The following SOX5 variants were observed in gnomAD, a reference collection of about 807,000 sequenced individuals.
SOX5 encodes SRY-box transcription factor 5.
Under a neutral mutation model 92.0 loss-of-function variants are expected in SOX5, and 9 were observed. The observed-to-expected ratio is 0.10, with a 90% CI of 0.06 to 0.17. The LOEUF (loss-of-function observed/expected upper bound fraction) is 0.17, where lower values mean the gene tolerates loss of function less well. Among genes scored for constraint, SOX5 ranks in the 10% least tolerant of loss-of-function variants. SOX5 has a pLI of 1.00. For synonymous variants in SOX5, 344 were observed against 336.3 expected, an observed-to-expected ratio of 1.02 and a Z score of -0.25; for missense variants, 642 against 944.5, an observed-to-expected ratio of 0.68 and a Z score of 4.20.
intron 4 of SOX5, among the ~76,000 whole-genome samples, chr12:24,167,115 T>C (rs968553278): frequency 1.3e-5 from 2 of 152,258 alleles, no homozygotes; most frequent in Non-Finnish European, 2.9e-5. Flanking sequence ...CTTTATTTTA[T>C]TCAGTTCTTG....
At chr12:23,915,202 A>G (rs920647056) in intron 1 of SOX5, among the ~76,000 whole-genome samples, 2 of 152,142 alleles carry the variant, frequency 1.3e-5, no homozygotes, top group African/African-American at 4.8e-5. Context: ...GTAGCACCAA[A>G]TCAAACAGTA....
chr12:24,152,885 G>C (rs1951801022), intron 4 of SOX5, among the ~76,000 whole-genome samples: 1 of 152,034 alleles, frequency 6.6e-6, no homozygotes, highest in Non-Finnish European at 1.5e-5. Flanking sequence ...TCTAATTAGA[G>C]TTAAAATAAT....
chr12:24,299,847 CA>C (rs1379386962), intron 2 of SOX5, among the ~76,000 whole-genome samples: 4 of 152,178 alleles, frequency 2.6e-5, no homozygotes, highest in Non-Finnish European at 5.9e-5. Context: ...TGATGCTTAT[CA>C]TCTGTGTCTA....
chr12:24,413,663 T>A (rs566055169), intron 1 of SOX5, among the ~76,000 whole-genome samples: 1 of 152,212 alleles, frequency 6.6e-6, no homozygotes, highest in Non-Finnish European at 1.5e-5. Flanking sequence ...ACCAGGACAC[T>A]AGGGTTTCAA....
intron 2 of SOX5, among the ~76,000 whole-genome samples, chr12:24,290,195 T>A (rs1321924244): frequency 6.6e-6 from 1 of 152,204 alleles, no homozygotes; most frequent in Admixed American, 6.5e-5. Flanking sequence ...ATACTGTTTT[T>A]AACAGATGGC....
intron 2 of SOX5, among the ~76,000 whole-genome samples, chr12:24,309,905 A>G (rs1445002993): frequency 1.3e-5 from 2 of 152,158 alleles, no homozygotes; most frequent in African/African-American, 2.4e-5. Flanking sequence ...TTGATTCAGA[A>G]TGATAAGATC....
At chr12:23,938,660 T>C (rs1243548977) in intron 1 of SOX5, among the ~76,000 whole-genome samples, 4 of 150,946 alleles carry the variant, frequency 2.6e-5, no homozygotes, top group Non-Finnish European at 4.5e-5. Context: ...ATACTGATAC[T>C]TGCAAAAATA....
chr12:23,639,398 G>A (rs2079733928), intron 8 of SOX5, among the ~76,000 whole-genome samples: 1 of 152,148 alleles, frequency 6.6e-6, no homozygotes, highest in Non-Finnish European at 1.5e-5. Context: ...ATGGTCAAAG[G>A]AGAATGTCTA....
intron 1 of SOX5, among the ~76,000 whole-genome samples, chr12:24,439,940 C>G (rs1940195962): frequency 6.6e-6 from 1 of 152,092 alleles, no homozygotes; most frequent in Non-Finnish European, 1.5e-5. Context: ...ACATATTCCT[C>G]GAAGTCAGGA....
chr12:24,261,348 G>T (rs1296798395), intron 3 of SOX5, among the ~76,000 whole-genome samples: 5 of 152,114 alleles, frequency 3.3e-5, no homozygotes, highest in Admixed American at 1.3e-4. Flanking sequence ...TGTAGCAAAG[G>T]ATCACTCCAC....
intron 3 of SOX5, among the ~76,000 whole-genome samples, chr12:23,813,466 A>G (rs1035412511): frequency 1.3e-5 from 2 of 152,146 alleles, no homozygotes; most frequent in African/African-American, 2.4e-5. Flanking sequence ...CTGCATACCA[A>G]TCACAAGATC....
chr12:23,546,793 G>A (rs186989981), intron 11 of SOX5, among the ~76,000 whole-genome samples: 1 of 152,264 alleles, frequency 6.6e-6, no homozygotes, highest in East Asian at 1.9e-4. Context: ...TAGAAGTATA[G>A]GAGTGGCGTG....
intron 2 of SOX5, among the ~76,000 whole-genome samples, chr12:24,327,385 C>CTTTTTTTT (rs71063311): frequency 2.1e-4 from 12 of 56,692 alleles, no homozygotes; most frequent in East Asian, 6.7e-4. Context: ...GCAATGGAGA[C>CTTTTTTTT]TTTTTTTTTT....
chr12:24,053,177 C>T (rs1259634068), intron 4 of SOX5, among the ~76,000 whole-genome samples: 3 of 137,156 alleles, frequency 2.2e-5, no homozygotes, highest in South Asian at 2.2e-4. Flanking sequence ...TGCTACTGCA[C>T]GCCCCCCCCC....
At chr12:23,760,744 C>A (rs1190134947) in intron 3 of SOX5, among the ~76,000 whole-genome samples, 1 of 152,084 alleles carries the variant, frequency 6.6e-6, no homozygotes, top group African/African-American at 2.4e-5. Flanking sequence ...TCATCTGGAA[C>A]AATGAGACCT....
chr12:24,429,705 T>A (rs953567057), intron 1 of SOX5, among the ~76,000 whole-genome samples: 1 of 152,144 alleles, frequency 6.6e-6, no homozygotes, highest in Non-Finnish European at 1.5e-5. Flanking sequence ...AAAAATGGTA[T>A]GTTTTGTAGA....
chr12:24,348,347 T>C (rs1243237404), intron 2 of SOX5, among the ~76,000 whole-genome samples: 1 of 139,766 alleles, frequency 7.2e-6, no homozygotes, highest in African/African-American at 2.6e-5. Flanking sequence ...GCCTCTATGT[T>C]GCAGCTCTAT....
intron 1 of SOX5, among the ~76,000 whole-genome samples, chr12:24,458,869 C>A (rs1943315234): frequency 6.6e-6 from 1 of 152,166 alleles, no homozygotes; most frequent in South Asian, 2.1e-4. Context: ...AATTCTAGAA[C>A]ATTCCAAGAT....
intron 4 of SOX5, among the ~76,000 whole-genome samples, chr12:24,175,052 G>A (rs1026937973): frequency 6.6e-6 from 1 of 152,168 alleles, no homozygotes; most frequent in African/African-American, 2.4e-5. Flanking sequence ...GCTCAGAAGT[G>A]TATTCCAGAG....
Sources: allele counts gnomAD v4.1 joint callset (sites outside exome capture counted in the v4.1 genomes callset), GRCh38; gene constraint gnomAD v4.1.1; transcripts MANE v1.5; gene names NCBI Gene and HGNC (gene_info 2026-07-23, HGNC 2026-07-21).